RABGAP1L: variants seen among roughly 807,000 people sequenced by gnomAD.
RABGAP1L encodes rab GTPase-activating protein 1-like.
A neutral mutation model predicts 137.7 loss-of-function variants in RABGAP1L; 63 were observed. The ratio of observed to expected loss-of-function variants is 0.46; its 90% CI spans 0.37 to 0.56. The LOEUF (loss-of-function observed/expected upper bound fraction) is 0.56. Among genes scored for constraint, RABGAP1L ranks in the 20% least tolerant of loss-of-function variants. RABGAP1L has a pLI of 0.00. For missense variants in RABGAP1L, 1,095 were observed against 1,244.0 expected (o/e 0.88, Z 1.80); for synonymous variants, 431 against 433.7 (o/e 0.99, Z 0.08).
chr1:174,495,957 A>G (rs1188998832), intron 13 of RABGAP1L, among the ~76,000 whole-genome samples: 2 of 152,116 alleles, frequency 1.3e-5, no homozygotes, highest in African/African-American at 4.8e-5. Flanking sequence ...GGACACAAGC[A>G]TTTCTCCTGC....
At chr1:174,290,898 A>C (rs925606746) in intron 10 of RABGAP1L, among the ~76,000 whole-genome samples, 1 of 151,682 alleles carries the variant, frequency 6.6e-6, no homozygotes, top group Admixed American at 6.6e-5. Context: ...AGTAGCTGGG[A>C]CTACAAGCAT....
intron 15 of RABGAP1L, among the ~76,000 whole-genome samples, chr1:174,691,439 A>G (rs1214069521): frequency 1.3e-5 from 2 of 152,248 alleles, no homozygotes; most frequent in African/African-American, 4.8e-5. Context: ...CAATTAGTAC[A>G]GATGGCAGAT....
At chr1:174,618,777 T>A (rs967905641) in intron 13 of RABGAP1L, among the ~76,000 whole-genome samples, 7 of 152,140 alleles carry the variant, frequency 4.6e-5, no homozygotes, top group Non-Finnish European at 8.8e-5. Context: ...GCAATGGAAC[T>A]AAGCTGGATG....
intron 4 of RABGAP1L, among the ~76,000 whole-genome samples, chr1:174,233,043 C>G (rs1447428727): frequency 6.6e-6 from 1 of 152,086 alleles, no homozygotes; most frequent in Non-Finnish European, 1.5e-5. Context: ...TATTTGGTGT[C>G]TGGTGAGGGC....
chr1:174,562,786 T>C (rs901762229), intron 13 of RABGAP1L, among the ~76,000 whole-genome samples: 4 of 152,048 alleles, frequency 2.6e-5, no homozygotes, highest in African/African-American at 9.7e-5. Context: ...TTCTCACTCG[T>C]AAGTGGGAGT....
At position 174,675,054 on chromosome 1, in the gene RABGAP1L, T is replaced by C. The variant is rs200994653; in HGVS notation, c.1825-8468T>C. ...TTTGTAGGTTGCCTGTTCACTCTGA[T>C]GGTAGTTTCTTTTGCTGTGCAGAAG... On this transcript the variant is annotated intron_variant, in intron 14 of 25. Transcript: ENST00000681986. Among the ~76,000 whole-genome samples the C allele has an allele frequency of 5.6e-4, 85 of 152,012 alleles. 2 individuals are homozygous for C. The East Asian group carries it at 0.014, about 25-fold the overall frequency.
chr1:174,216,611 A>G (rs1186154969), intron 1 of RABGAP1L, among the ~76,000 whole-genome samples: 1 of 128,756 alleles, frequency 7.8e-6, no homozygotes, highest in Non-Finnish European at 1.6e-5. Context: ...TCCATGTGGT[A>G]TAATCATCCA....
chr1:174,805,500 C>A (rs553745520), intron 18 of RABGAP1L, among the ~76,000 whole-genome samples: 1 of 151,896 alleles, frequency 6.6e-6, no homozygotes, highest in Non-Finnish European at 1.5e-5. Context: ...TTTATTAGTT[C>A]TTATTTTATT....
intron 18 of RABGAP1L, among the ~76,000 whole-genome samples, chr1:174,775,410 T>C (rs1401935676): frequency 2.0e-5 from 3 of 151,530 alleles, no homozygotes; most frequent in Non-Finnish European, 4.4e-5. Context: ...ACCTCCCAGG[T>C]TCAAGAGATT....
chr1:174,584,618 A>G (rs921527887), intron 13 of RABGAP1L, among the ~76,000 whole-genome samples: 5 of 152,186 alleles, frequency 3.3e-5, no homozygotes, highest in Non-Finnish European at 7.3e-5. Context: ...GTCAAAAAAT[A>G]TATATATCAT....
chr1:174,663,476 C>A (rs955725291), intron 14 of RABGAP1L, among the ~76,000 whole-genome samples: 6 of 152,120 alleles, frequency 3.9e-5, no homozygotes, highest in African/African-American at 1.4e-4. Context: ...AGCTGTATCA[C>A]CTGAGTTTAT....
intron 17 of RABGAP1L, among the ~76,000 whole-genome samples, chr1:174,726,452 A>G (rs1217960721): frequency 6.7e-6 from 1 of 148,828 alleles, no homozygotes; most frequent in Non-Finnish European, 1.5e-5. Flanking sequence ...TTTTTTTTTT[A>G]TTTTTCACAT....
At chr1:174,716,204 A>G (rs1052625015) in intron 17 of RABGAP1L, among the ~76,000 whole-genome samples, 1 of 152,200 alleles carries the variant, frequency 6.6e-6, no homozygotes, top group African/African-American at 2.4e-5. Context: ...CCACATATGC[A>G]GAATCCACCG....
intron 14 of RABGAP1L, among the ~76,000 whole-genome samples, chr1:174,640,518 T>C (rs1674444798): frequency 1.3e-5 from 2 of 152,202 alleles, no homozygotes; most frequent in Non-Finnish European, 2.9e-5. Context: ...TTAAAGGTAG[T>C]CTAACTGTGT....
rs1347415489 is a variant in RABGAP1L at position 174,550,937 on chromosome 1, T to C, written c.1711-86438T>C. Among the ~76,000 whole-genome samples, 38 of 127,756 alleles carry C rather than the reference T, an allele frequency of 3.0e-4. 1 individual carries two copies. Among genetic ancestry groups the C allele is most frequent in the African/African-American group, 1.0e-3 (32 of 31,012 alleles). The allele number at this position is 127,756 out of a possible 152,430, so 83.8% of individuals were successfully genotyped here. On this transcript the variant is annotated intron_variant, in intron 13 of 25. Coordinates refer to ENST00000681986, the MANE Select transcript of RABGAP1L (RefSeq NM_001366446.1). ...ACACACACACATATATATATACACA[T>C]ATATATACACACATATATATACACA...
At chr1:174,987,985 A>G (rs182023624) in intron 24 of RABGAP1L, among the ~76,000 whole-genome samples, 1 of 151,824 alleles carries the variant, frequency 6.6e-6, no homozygotes, top group Non-Finnish European at 1.5e-5. Flanking sequence ...AATTTTTTGT[A>G]TTTTTAGTAG....
chr1:174,676,309 C>T (rs1378104960), intron 14 of RABGAP1L, among the ~76,000 whole-genome samples: 15 of 152,028 alleles, frequency 9.9e-5, no homozygotes, highest in Admixed American at 9.8e-4. Flanking sequence ...GGAATTCATA[C>T]TAGATTTACT....
intron 13 of RABGAP1L, among the ~76,000 whole-genome samples, chr1:174,510,819 A>G (rs1283387557): frequency 6.6e-6 from 1 of 152,192 alleles, no homozygotes; most frequent in African/African-American, 2.4e-5. Flanking sequence ...TCATGTATTA[A>G]TTACAGACAT....
chr1:174,296,256 G>A (rs1677120115), intron 10 of RABGAP1L, among the ~76,000 whole-genome samples: 1 of 152,176 alleles, frequency 6.6e-6, no homozygotes, highest in Non-Finnish European at 1.5e-5. Flanking sequence ...GGAATAGTGG[G>A]ACAGAAGTCA....
Sources: gnomAD v4.1 joint callset for allele counts (sites outside exome capture counted in the v4.1 genomes callset) on GRCh38, gnomAD v4.1.1 for gene constraint, MANE v1.5 for transcripts, NCBI Gene and HGNC (gene_info 2026-07-23, HGNC 2026-07-21) for gene names.